The following KLK14 variants were observed in gnomAD, a reference collection of about 807,000 sequenced individuals.
KLK14 encodes kallikrein related peptidase 14, also known as kallikrein-14.
KLK14 carries 21 observed loss-of-function variants against 24.6 expected under a neutral mutation model. The observed-to-expected ratio is 0.85, with a 90% confidence interval of 0.61 to 1.23. The LOEUF (loss-of-function observed/expected upper bound fraction) is 1.23, where lower values mean the gene tolerates loss of function less well. KLK14 is among the 50% of genes most tolerant of loss of function. KLK14 has a pLI of 0.00. For synonymous variants in KLK14, 133 were observed against 139.7 expected (o/e 0.95, Z 0.34); for missense variants, 320 against 338.9 (o/e 0.94, Z 0.44).
Position 51,079,492 on chromosome 19 carries a change from G to A in KLK14, c.423C>T (p.Thr141=). 5 of 1,613,634 alleles carry A rather than the reference G, an allele frequency of 3.1e-6. No homozygotes were observed. The highest frequency in any genetic ancestry group is 4.2e-6 in the Non-Finnish European group (5 of 1,179,926). ...EVTQACASPG[T]SCRVSGWGTI... ...TTCCCCAGCCTGACACTCGGCAGGA[G>A]GTCCCGGGGCTGGCACAGGCCTGGG... Residue 141 remains threonine, a synonymous_variant, in exon 4 of 6, where the codon ACC becomes ACT. Transcript: ENST00000650543.
intron 4 of KLK14, 143 bp downstream of exon 4, chr19:51,079,306 G>T: frequency 1.2e-6 from 1 of 800,020 alleles, no homozygotes; most frequent in Non-Finnish European, 1.8e-6. Context: ...CCAGGCCTCA[G>T]CCCCCTCCTC....
Position 51,081,535 on chromosome 19 carries a change from C to T in KLK14, c.209G>A (p.Arg70His), listed in dbSNP as rs1461319726. 3.2e-5 allele frequency: 48 copies of T among 1,512,866 alleles called. No homozygotes were observed. The highest frequency in any genetic ancestry group is 1.1e-4 in the South Asian group (9 of 79,248). 93.7% of individuals were successfully genotyped at this position (1,512,866 alleles called of 1,614,324 possible). A position where few individuals can be genotyped will look rare whatever the true frequency, so the allele number is the denominator to read the frequency against. ...GACAGGGGAGGGGGTCACTTACGGG[C>T]GGCCGCAGTGAGCAGCAGTGATGAC... The part of the protein sequence containing the change: ...QWVITAAHCG[R>H]PILQVALGKH... The change falls in exon 3 of 6, where the codon CGC becomes CAC. Residue 70 changes from arginine (R) to histidine (H), a missense_variant. By Grantham distance (29) the Arg-to-His change is conservative. Transcript: ENST00000650543.
chr19:51,081,518 A>G lies in KLK14; in HGVS notation c.212+14T>C. The G allele has an allele frequency of 3.3e-6, 5 of 1,495,476 alleles. No homozygotes were observed. The highest frequency in any genetic ancestry group is 4.5e-6 in the Non-Finnish European group (5 of 1,116,834). The allele number at this position is 1,495,476 out of a possible 1,614,324, so 92.6% of individuals were successfully genotyped here. A position where few individuals can be genotyped will look rare whatever the true frequency, so the allele number is the denominator to read the frequency against. On this transcript the variant is annotated intron_variant, in intron 3 of 5. Coordinates refer to ENST00000650543, the MANE Select transcript of KLK14 (RefSeq NM_001369775.2). Reference sequence around the variant, plus strand: ...AATTCACTAGGTACAGGGACAGGGGAGGGGGTCACTTACGGGCGGCCGCAG... The same window carrying G: ...AATTCACTAGGTACAGGGACAGGGGGGGGGGTCACTTACGGGCGGCCGCAG...
rs1200882325 is a variant in KLK14, at chr19:51,080,189, T to TGTG, written c.213-488_213-487insCAC. ...GACTTGATTTATTTATTTATTTTTT[T>TGTG]TTTGTGATGGAGTCTCGCTCTGTCA... On this transcript the variant is annotated intron_variant, in intron 3 of 5. Transcript: ENST00000650543. Among the ~76,000 whole-genome samples the TGTG allele has an allele frequency of 4.5e-4, 69 of 151,848 alleles. No homozygotes were observed. In the Middle Eastern group the frequency reaches 0.014, roughly 30 times the overall value.
rs2091825939 is a variant in KLK14 at position 51,079,535 on chromosome 19, ACTGCCCTCCCGATCCGTGCGGG to A, written c.358_379del (p.Pro120SerfsTer39). 1 of 1,613,830 alleles carries A rather than the reference ACTGCCCTCCCGATCCGTGCGGG, an allele frequency of 6.2e-7. No individual in the cohort carries two copies. Among genetic ancestry groups the A allele is most frequent in the South Asian group, 1.1e-5 (1 of 91,074 alleles). ...GGCCTGGGTGACCTCAATGGGCCTG[ACTGCCCTCCCGATCCGTGCGGG>A]CTGCTGTAGCTGCAGCAGCATGAGG... is the stretch of plus-strand genomic sequence containing the variant. On this transcript the variant is annotated frameshift_variant, in exon 4 of 6. Coordinates refer to ENST00000650543, the MANE Select transcript of KLK14 (RefSeq NM_001369775.2). LOFTEE classifies it high-confidence loss of function.
intron 3 of KLK14, 136 bp downstream of exon 3, chr19:51,081,396 G>A: frequency 1.3e-6 from 1 of 757,080 alleles, no homozygotes; most frequent in Non-Finnish European, 1.9e-6. Flanking sequence ...TTTTGTTCCA[G>A]GCTCTTCTCT....
In KLK14 at chr19:51,082,758, C is replaced by A. The variant is rs369085501; in HGVS notation, c.-59G>T. On this transcript the variant is annotated 5_prime_UTR_variant, in exon 1 of 6. Transcript: ENST00000650543. Reference sequence around the variant, plus strand: ...GACCCTCAGGGACATGAAGACACAGCAGAGAGGTAGGGACCAGAGACGAGG... The same window carrying A: ...GACCCTCAGGGACATGAAGACACAGAAGAGAGGTAGGGACCAGAGACGAGG... 46 of 1,613,092 alleles carry A rather than the reference C, an allele frequency of 2.9e-5. No homozygotes were observed. The highest frequency in any genetic ancestry group is 3.9e-5 in the Non-Finnish European group (46 of 1,179,700).
chr19:51,079,359 C>T, intron 4 of KLK14, 90 bp downstream of exon 4: 1 of 1,343,090 alleles, frequency 7.4e-7, no homozygotes, highest in East Asian at 2.5e-5. Context: ...CTCCCTCAGA[C>T]CCAGGAGCCC....
At position 51,079,521 on chromosome 19, in the gene KLK14, C is replaced by A. The variant is rs2091825804; in HGVS notation, c.394G>T (p.Val132Phe). The A allele has an allele frequency of 6.2e-7, 1 of 1,613,786 alleles. No homozygotes were observed. The highest frequency in any genetic ancestry group is 1.3e-5 in the African/African-American group (1 of 74,934). Residue 132 changes from valine (V) to phenylalanine (F), a missense_variant, in exon 4 of 6, where the codon GTC (valine) becomes TTC (phenylalanine). Transcript: ENST00000650543. The part of the protein sequence containing the change: ...RIGRAVRPIE[V>F]TQACASPGTS... ...CCGGGGCTGGCACAGGCCTGGGTGA[C>A]CTCAATGGGCCTGACTGCCCTCCCG... is the stretch of plus-strand genomic sequence containing the variant.
At position 51,079,560 on chromosome 19, in the gene KLK14, G is replaced by T; in HGVS notation, c.355C>A (p.Gln119Lys). Residue 119 changes from glutamine to lysine, a missense_variant, in exon 4 of 6, where the codon CAG becomes AAG. Physicochemically the swap from Gln to Lys is moderately conservative, Grantham distance 53 (BLOSUM62 1). Transcript: ENST00000650543. ...ACTGCCCTCCCGATCCGTGCGGGCT[G>T]CTGTAGCTGCAGCAGCATGAGGTCG... ...DNDLMLLQLQ[Q>K]PARIGRAVRP... The T allele has an allele frequency of 2.5e-6, 4 of 1,614,024 alleles. No homozygotes were observed. In the African/African-American group the frequency reaches 4.0e-5, roughly 16 times the overall value.
rs571683253 is a variant in KLK14 at position 51,078,679 on chromosome 19, C to T, written c.603+136G>A. On this transcript the variant is annotated intron_variant, in intron 5 of 5. Coordinates refer to ENST00000650543, the MANE Select transcript of KLK14 (RefSeq NM_001369775.2). This position sits in a 1 kb window ranked among gnomAD's most constrained non-coding sequence, Gnocchi z 5.0. Reference sequence around the variant, plus strand: ...GGCACAGGGCTAGGAAGCAGGGTGGCCTGGCTATCGGAATCTCTCTGTGCC... The same window carrying T: ...GGCACAGGGCTAGGAAGCAGGGTGGTCTGGCTATCGGAATCTCTCTGTGCC... 64 of 1,181,370 alleles carry T rather than the reference C, an allele frequency of 5.4e-5. No homozygotes were observed. The East Asian group carries it at 1.5e-3, about 27-fold the overall frequency. 73.2% of individuals were successfully genotyped at this position (1,181,370 alleles called of 1,614,324 possible).
At chr19:51,079,080 C>A in intron 4 of KLK14, 129 bp from the exon 5 acceptor site, 5 of 1,129,978 alleles carry the variant, frequency 4.4e-6, no homozygotes, top group African/African-American at 3.2e-5. Context: ...CCCAGGAGTC[C>A]AGGCCCCCAG....
downstream of KLK14, among the ~76,000 whole-genome samples, chr19:51,077,705 G>T: frequency 6.9e-6 from 1 of 144,310 alleles, no homozygotes; most frequent in Non-Finnish European, 1.5e-5. Flanking sequence ...AGGGAGGAGG[G>T]GCTGGGGGCC....
At position 51,081,697 on chromosome 19, in the gene KLK14, G is replaced by T; in HGVS notation, c.47C>A (p.Thr16Lys). 6.5e-7 allele frequency: 1 copy of T among 1,539,342 alleles called. No homozygotes were observed. The highest frequency in any genetic ancestry group is 8.8e-7 in the Non-Finnish European group (1 of 1,138,824). ...TALQVLAIAM[T>K]QSQEDENKII... ...CTTGTTCTCATCCTCTTGGCTCTGT[G>T]TCATGGCTAGGAGTGGACAGGATTG... The change falls in exon 3 of 6, where the codon ACA becomes AAA. Residue 16 changes from threonine to lysine, a missense_variant. Physicochemically the swap from Thr to Lys is moderately conservative, Grantham distance 78. Coordinates refer to ENST00000650543, the MANE Select transcript of KLK14 (RefSeq NM_001369775.2).
chr19:51,081,811 C>G, intron 2 of KLK14, 108 bp from the exon 3 acceptor site: 1 of 1,023,710 alleles, frequency 9.8e-7, no homozygotes, highest in Non-Finnish European at 1.4e-6. Context: ...TGGTCTAACC[C>G]CTAAACTGCC....
chr19:51,082,857 C>T lies in KLK14; in HGVS notation c.-158G>A. The T allele has an allele frequency of 8.3e-7, 1 of 1,208,558 alleles. No individual in the cohort carries two copies. The highest frequency in any genetic ancestry group is 1.3e-5 in the South Asian group (1 of 75,180). The allele number at this position is 1,208,558 out of a possible 1,614,324, so 74.9% of individuals were successfully genotyped here. ...CAGGGCACAGGTCCCTCCTTGATGT[C>T]TTGATGAAGGAAGGAGGGGAGGTGT... On this transcript the variant is annotated 5_prime_UTR_variant, in exon 1 of 6. Transcript: ENST00000650543.
upstream of KLK14, among the ~76,000 whole-genome samples, chr19:51,083,403 GGAGAGAGAGACA>G: frequency 1.0e-5 from 1 of 99,122 alleles, no homozygotes; most frequent in Non-Finnish European, 2.0e-5. Context: ...AGAGAGAGAT[GGAGAGAGAGACA>G]GAGAGAGAGC....
In KLK14 at chr19:51,081,537, G is replaced by A. The variant is rs2091839048; in HGVS notation, c.207C>T (p.Gly69=). Residue 69 remains glycine (G), a synonymous_variant, in exon 3 of 6, where the codon GGC becomes GGT. Coordinates refer to ENST00000650543, the MANE Select transcript of KLK14 (RefSeq NM_001369775.2). ...GQWVITAAHC[G]RPILQVALGK... Reference sequence around the variant, plus strand: ...CAGGGGAGGGGGTCACTTACGGGCGGCCGCAGTGAGCAGCAGTGATGACCC... The same window carrying A: ...CAGGGGAGGGGGTCACTTACGGGCGACCGCAGTGAGCAGCAGTGATGACCC... 2.0e-6 allele frequency: 3 copies of A among 1,516,184 alleles called. No individual in the cohort carries two copies. Among genetic ancestry groups the A allele is most frequent in the African/African-American group, 2.8e-5 (2 of 72,158 alleles). 93.9% of individuals were successfully genotyped at this position (1,516,184 alleles called of 1,614,324 possible).
Position 51,082,750 on chromosome 19 carries a change from A to G in KLK14, c.-51T>C. ...GAGCCCAAGACCCTCAGGGACATGA[A>G]GACACAGCAGAGAGGTAGGGACCAG... On this transcript the variant is annotated 5_prime_UTR_variant, in exon 1 of 6. Transcript: ENST00000650543. 1 of 1,613,638 alleles carries G rather than the reference A, an allele frequency of 6.2e-7. No individual in the cohort carries two copies. Among genetic ancestry groups the G allele is most frequent in the Non-Finnish European group, 8.5e-7 (1 of 1,179,852 alleles).
Sources: gnomAD v4.1 joint callset for allele counts (sites outside exome capture counted in the v4.1 genomes callset) on GRCh38, gnomAD v4.1.1 for gene constraint, Gnocchi (gnomAD v3.1) non-coding constraint, MANE v1.5 for transcripts, NCBI Gene and HGNC (gene_info 2026-07-23, HGNC 2026-07-21) for gene names.